The following SLC24A4 variants were observed in gnomAD, a reference collection of about 807,000 sequenced individuals.
SLC24A4 encodes the protein solute carrier family 24 member 4, also known as sodium/potassium/calcium exchanger 4.
Under a neutral mutation model 79.0 loss-of-function variants are expected in SLC24A4, and 53 were observed. The observed-to-expected ratio is 0.67, with a 90% confidence interval of 0.54 to 0.84. The LOEUF (loss-of-function observed/expected upper bound fraction) is 0.84, where lower values mean the gene tolerates loss of function less well. Among genes scored for constraint, SLC24A4 ranks in the 40% least tolerant of loss-of-function variants. SLC24A4 has a pLI of 0.00. For missense variants in SLC24A4, 731 were observed against 822.0 expected (o/e 0.89, Z 1.35); for synonymous variants, 323 against 323.8 (o/e 1.00, Z 0.03).
At position 92,343,256 on chromosome 14, in the gene SLC24A4, G is replaced by A. The variant is rs930524479; in HGVS notation, c.241+17278G>A. Among the ~76,000 whole-genome samples, 8 of 152,240 alleles carry A rather than the reference G, an allele frequency of 5.3e-5. No homozygotes were observed. In the South Asian group the frequency reaches 1.4e-3, roughly 28 times the overall value. On this transcript the variant is annotated intron_variant, in intron 2 of 16. Coordinates refer to ENST00000532405, the MANE Select transcript of SLC24A4 (RefSeq NM_153646.4). ...TTTGCTGCAGATCCTCTGTTCATTC[G>A]CCTCCTTTTCCTCTTCTGTAATCAT... is the stretch of plus-strand genomic sequence containing the variant.
At chr14:92,420,406 G>C (rs1428089480) in intron 2 of SLC24A4, among the ~76,000 whole-genome samples, 1 of 152,150 alleles carries the variant, frequency 6.6e-6, no homozygotes, top group African/African-American at 2.4e-5. Flanking sequence ...CTTGAACCTG[G>C]GGGCAGAGGT....
intron 2 of SLC24A4, among the ~76,000 whole-genome samples, chr14:92,342,713 T>A (rs944280426): frequency 1.3e-5 from 2 of 152,190 alleles, no homozygotes; most frequent in Non-Finnish European, 2.9e-5. Flanking sequence ...ACAGCAAGGA[T>A]AACAATTTTG....
chr14:92,434,815 C>T (rs570813080), intron 3 of SLC24A4, among the ~76,000 whole-genome samples: 1 of 152,262 alleles, frequency 6.6e-6, no homozygotes, highest in South Asian at 2.1e-4. Flanking sequence ...GCTCTGTCGC[C>T]CAGGCTGGAG....
intron 12 of SLC24A4, among the ~76,000 whole-genome samples, chr14:92,476,214 TC>T: frequency 6.6e-6 from 1 of 152,194 alleles, no homozygotes; most frequent in East Asian, 1.9e-4. Context: ...GAGTTTTCTG[TC>T]AATTCTAGAA....
At chr14:92,346,205 T>A (rs1010598994) in intron 2 of SLC24A4, among the ~76,000 whole-genome samples, 8 of 152,186 alleles carry the variant, frequency 5.3e-5, no homozygotes, top group African/African-American at 1.7e-4. Flanking sequence ...TTAAGGAAAT[T>A]GACCCACTCT....
chr14:92,327,967 G>A (rs1434285598), intron 2 of SLC24A4, among the ~76,000 whole-genome samples: 1 of 152,224 alleles, frequency 6.6e-6, no homozygotes, highest in Non-Finnish European at 1.5e-5. Flanking sequence ...ATGATGGAAT[G>A]AAAGTGCATT....
rs976584627 is a variant in SLC24A4 at position 92,325,902 on chromosome 14, G to C, written c.165G>C (p.Leu55=). Residue 55 remains leucine (L), a synonymous_variant, in exon 2 of 17, where the codon CTG becomes CTC. Coordinates refer to ENST00000532405, the MANE Select transcript of SLC24A4 (RefSeq NM_153646.4). ...HKTASASKRV[L]PDTWRNRKLM... Reference sequence around the variant, plus strand: ...CAGCTTCTGCTAGCAAACGTGTCCTGCCAGACACGTGGAGAAATAGAAAGT... The same window carrying C: ...CAGCTTCTGCTAGCAAACGTGTCCTCCCAGACACGTGGAGAAATAGAAAGT... The C allele has an allele frequency of 3.7e-6, 6 of 1,611,938 alleles. No homozygotes were observed. In the African/African-American group the frequency reaches 8.0e-5, roughly 22 times the overall value.
At chr14:92,378,172 A>G (rs1393890135) in intron 2 of SLC24A4, among the ~76,000 whole-genome samples, 1 of 152,098 alleles carries the variant, frequency 6.6e-6, no homozygotes, top group Non-Finnish European at 1.5e-5. Flanking sequence ...GCACAAATAC[A>G]CATGTGATTG....
At chr14:92,366,303 T>G (rs1326339733) in intron 2 of SLC24A4, among the ~76,000 whole-genome samples, 4 of 152,140 alleles carry the variant, frequency 2.6e-5, no homozygotes, top group Non-Finnish European at 4.4e-5. Flanking sequence ...ACCCCTCTGG[T>G]GGGCAGATGG....
intron 14 of SLC24A4, among the ~76,000 whole-genome samples, chr14:92,488,111 A>C (rs1469720135): frequency 7.9e-5 from 10 of 125,798 alleles, no homozygotes; most frequent in South Asian, 2.5e-4. Context: ...TCACTCTGTC[A>C]CCCAGGCTGG....
At chr14:92,448,932 A>G (rs1231842023) in intron 9 of SLC24A4, 142 bp from the exon 10 acceptor site, 2 of 948,854 alleles carry the variant, frequency 2.1e-6, no homozygotes, top group Non-Finnish European at 3.1e-6. Flanking sequence ...CCAGTTGAAA[A>G]GCTGAGGCTC....
At chr14:92,354,322 T>C (rs543022446) in intron 2 of SLC24A4, among the ~76,000 whole-genome samples, 11 of 152,228 alleles carry the variant, frequency 7.2e-5, no homozygotes, top group Admixed American at 2.6e-4. Context: ...GGCTATTTTT[T>C]TTGTATTTTC....
At chr14:92,483,584 A>T (rs1480100253) in intron 13 of SLC24A4, 3 of 427,006 alleles carry the variant, frequency 7.0e-6, no homozygotes, top group African/African-American at 4.1e-5. Context: ...GTAGCTCCTC[A>T]TAAGCTCCTA....
At chr14:92,440,396 C>T (rs1186663111) in intron 4 of SLC24A4, among the ~76,000 whole-genome samples, 1 of 152,080 alleles carries the variant, frequency 6.6e-6, no homozygotes, top group Admixed American at 6.5e-5. Context: ...CACCCAGGGC[C>T]CCTGTGGAGT....
intron 2 of SLC24A4, among the ~76,000 whole-genome samples, chr14:92,390,017 T>C (rs1889377215): frequency 6.6e-6 from 1 of 152,116 alleles, no homozygotes; most frequent in South Asian, 2.1e-4. Flanking sequence ...GACAGCAGTG[T>C]TTTCTCTTCC....
At chr14:92,351,901 G>A (rs1223446382) in intron 2 of SLC24A4, among the ~76,000 whole-genome samples, 2 of 131,796 alleles carry the variant, frequency 1.5e-5, no homozygotes, top group Non-Finnish European at 3.2e-5. Context: ...AGGAAGGAAA[G>A]GAAGGAAGGA....
intron 13 of SLC24A4, among the ~76,000 whole-genome samples, 143 bp from the exon 14 acceptor site, chr14:92,486,513 TTTTTGTTTTG>T (rs932799099): frequency 2.6e-5 from 4 of 152,160 alleles, no homozygotes; most frequent in African/African-American, 9.7e-5. Context: ...GTGGGGGTTT[TTTTTGTTTTG>T]TTTTGTTTTG....
At chr14:92,335,788 G>A (rs187569043) in intron 2 of SLC24A4, among the ~76,000 whole-genome samples, 2 of 152,284 alleles carry the variant, frequency 1.3e-5, no homozygotes, top group East Asian at 3.9e-4. Flanking sequence ...GGTCTGAATT[G>A]TGATTCCTAT....
At chr14:92,468,255 A>C (rs1204278522) in intron 12 of SLC24A4, among the ~76,000 whole-genome samples, 1 of 152,250 alleles carries the variant, frequency 6.6e-6, no homozygotes, top group Non-Finnish European at 1.5e-5. Context: ...TTGTAGAAAG[A>C]AATTAAAGAC....
Sources: allele counts gnomAD v4.1 joint callset (sites outside exome capture counted in the v4.1 genomes callset), GRCh38; gene constraint gnomAD v4.1.1; transcripts MANE v1.5; gene names NCBI Gene and HGNC (gene_info 2026-07-23, HGNC 2026-07-21).